STK32A: variants seen among roughly 807,000 people sequenced by gnomAD.
STK32A encodes the protein serine/threonine-protein kinase 32A.
In STK32A, 41 loss-of-function variants were observed where a neutral mutation model predicts 53.2. The ratio of observed to expected loss-of-function variants is 0.77; its 90% CI spans 0.60 to 1.00. The LOEUF (loss-of-function observed/expected upper bound fraction) is 1.00, where lower values mean the gene tolerates loss of function less well. STK32A is among the 50% of genes least tolerant of loss of function. The pLI, the probability that STK32A is intolerant of heterozygous loss-of-function variation, is 0.00. For missense variants in STK32A, 458 were observed against 485.8 expected, an observed-to-expected ratio of 0.94 and a Z score of 0.54; for synonymous variants, 166 against 162.8, an observed-to-expected ratio of 1.02 and a Z score of -0.15.
At chr5:147,331,700 C>G (rs1234695728) in intron 5 of STK32A, among the ~76,000 whole-genome samples, 1 of 152,164 alleles carries the variant, frequency 6.6e-6, no homozygotes, top group African/African-American at 2.4e-5. Flanking sequence ...AGGCCCTAAT[C>G]CAGTATGACT....
In STK32A at chr5:147,359,816, A is replaced by C. The variant is rs570925377; in HGVS notation, c.563-1701A>C. Among the ~76,000 whole-genome samples the C allele has an allele frequency of 7.8e-4, 119 of 152,286 alleles. 1 individual carries two copies. The highest frequency in any genetic ancestry group is 2.6e-3 in the African/African-American group (107 of 41,554). On this transcript the variant is annotated intron_variant, in intron 7 of 12. Coordinates refer to ENST00000397936, the MANE Select transcript of STK32A (RefSeq NM_001112724.2). ...TAGCCCTCCTTATTCCTGCTGCATC[A>C]AGCTCTTATAGTCAGGGCCAGTCCC...
intron 2 of STK32A, among the ~76,000 whole-genome samples, chr5:147,266,686 T>G (rs1206292003): frequency 6.6e-6 from 1 of 152,112 alleles, no homozygotes; most frequent in Non-Finnish European, 1.5e-5. Context: ...GCACTGTTGG[T>G]CCTGTGTGAA....
intron 2 of STK32A, among the ~76,000 whole-genome samples, chr5:147,250,484 C>G (rs1339375312): frequency 6.6e-6 from 1 of 152,156 alleles, no homozygotes; most frequent in Non-Finnish European, 1.5e-5. Flanking sequence ...CAACACTACT[C>G]TTGTTGTAGT....
rs77283932 is a variant in STK32A, at chr5:147,386,721, T to A, written c.*2738T>A. The A allele has an allele frequency of 0.011, 1,739 of 152,354 alleles. 20 individuals are homozygous for A. Among genetic ancestry groups the A allele is most frequent in the Non-Finnish European group, 0.017 (1,148 of 68,036 alleles). 9.4% of individuals were successfully genotyped at this position (152,354 alleles called of 1,614,324 possible). On this transcript the variant is annotated 3_prime_UTR_variant, in exon 13 of 13. Coordinates refer to ENST00000397936, the MANE Select transcript of STK32A (RefSeq NM_001112724.2). The stretch of plus-strand genomic sequence containing the variant: ...CTCAGAGAGTAAGATGGATTTCTAG[T>A]GCTAGCCAGGTGAATGACACACAGT...
At chr5:147,238,555 A>G (rs1423377014) in intron 1 of STK32A, among the ~76,000 whole-genome samples, 1 of 152,194 alleles carries the variant, frequency 6.6e-6, no homozygotes, top group Admixed American at 6.6e-5. Flanking sequence ...GTTCACACAT[A>G]TCATTTAATT....
At chr5:147,282,244 AC>A (rs906134804) in intron 4 of STK32A, among the ~76,000 whole-genome samples, 7 of 152,290 alleles carry the variant, frequency 4.6e-5, no homozygotes, top group Non-Finnish European at 4.4e-5. Context: ...CCAGGAGACC[AC>A]CCCCCAAAAA....
At chr5:147,261,574 G>C (rs4705033) in intron 2 of STK32A, among the ~76,000 whole-genome samples, 44,996 of 151,932 alleles carry the variant, frequency 0.3, 7,014 homozygotes, top group African/African-American at 0.36. Context: ...ATCAAAAAAG[G>C]TTGCTTTACG....
chr5:147,347,342 A>G (rs1179526011), intron 6 of STK32A, among the ~76,000 whole-genome samples: 2 of 151,866 alleles, frequency 1.3e-5, no homozygotes, highest in Non-Finnish European at 2.9e-5. Context: ...AAAGGCAGAA[A>G]CCCTCTCCTA....
chr5:147,264,826 G>T (rs1003781495), intron 2 of STK32A, among the ~76,000 whole-genome samples: 3 of 152,094 alleles, frequency 2.0e-5, no homozygotes, highest in Non-Finnish European at 1.5e-5. Flanking sequence ...TTGCTCCTTG[G>T]CTGGGAGAGA....
chr5:147,247,605 G>A (rs756845672), intron 2 of STK32A, among the ~76,000 whole-genome samples: 2 of 152,048 alleles, frequency 1.3e-5, no homozygotes, highest in Non-Finnish European at 2.9e-5. Flanking sequence ...TTCTGTGATG[G>A]GCCTGATACT....
intron 4 of STK32A, among the ~76,000 whole-genome samples, chr5:147,309,557 T>C (rs750058824): frequency 6.6e-6 from 1 of 152,180 alleles, no homozygotes; most frequent in South Asian, 2.1e-4. Context: ...GATTGGAGTT[T>C]AATTGGGTGA....
intron 2 of STK32A, among the ~76,000 whole-genome samples, chr5:147,269,466 G>C (rs1435555453): frequency 6.6e-6 from 1 of 152,170 alleles, no homozygotes; most frequent in Non-Finnish European, 1.5e-5. Context: ...CTCTGGACTG[G>C]AAAGCAGAAG....
chr5:147,261,634 A>G (rs546130521), intron 2 of STK32A, among the ~76,000 whole-genome samples: 1 of 152,312 alleles, frequency 6.6e-6, no homozygotes, highest in East Asian at 1.9e-4. Flanking sequence ...ATACTGACAT[A>G]TTAATTCTTT....
At chr5:147,250,970 A>G (rs1013704269) in intron 2 of STK32A, among the ~76,000 whole-genome samples, 2 of 151,442 alleles carry the variant, frequency 1.3e-5, no homozygotes, top group African/African-American at 4.8e-5. Flanking sequence ...AAGAATGCAG[A>G]TATGGCAAGT....
intron 4 of STK32A, among the ~76,000 whole-genome samples, chr5:147,306,900 C>T (rs902781405): frequency 5.3e-5 from 8 of 151,892 alleles, no homozygotes; most frequent in African/African-American, 1.9e-4. Context: ...AGGCATATAG[C>T]CTACATGTAA....
At chr5:147,383,150 A>C (rs540585585) in intron 11 of STK32A, 1 of 410,268 alleles carries the variant, frequency 2.4e-6, no homozygotes, top group African/African-American at 2.1e-5. Flanking sequence ...TTGCCACCCA[A>C]GCCTTCCCTG....
At chr5:147,397,372 T>A in the STK32A span, among the ~76,000 whole-genome samples, 3 of 152,216 alleles carry the variant, frequency 2.0e-5, no homozygotes, top group Non-Finnish European at 2.9e-5. Flanking sequence ...ATTTATTTTT[T>A]AAAAAAATAC....
At chr5:147,327,979 CAGAGA>C (rs1205613437) in intron 5 of STK32A, among the ~76,000 whole-genome samples, 8 of 152,186 alleles carry the variant, frequency 5.3e-5, no homozygotes, top group Admixed American at 5.2e-4. Flanking sequence ...ACAAGTACTT[CAGAGA>C]AGATAGTGTG....
intron 5 of STK32A, among the ~76,000 whole-genome samples, chr5:147,342,142 A>G (rs1755448123): frequency 6.6e-6 from 1 of 152,218 alleles, no homozygotes; most frequent in African/African-American, 2.4e-5. Flanking sequence ...GAAATTCTGA[A>G]ACAGGTTTTG....
Sources: allele counts gnomAD v4.1 joint callset (sites outside exome capture counted in the v4.1 genomes callset), GRCh38; gene constraint gnomAD v4.1.1; transcripts MANE v1.5; gene names NCBI Gene and HGNC (gene_info 2026-07-23, HGNC 2026-07-21).